The following NCOR1 variants were observed in gnomAD, a reference collection of about 807,000 sequenced individuals.
The protein encoded by NCOR1 is nuclear receptor corepressor 1, also known as protein phosphatase 1, regulatory subunit 109.
NCOR1 carries 63 observed loss-of-function variants against 288.1 expected under a neutral mutation model. The ratio of observed to expected loss-of-function variants is 0.22; its 90% CI spans 0.18 to 0.27. The LOEUF is 0.27. NCOR1 is among the 10% of genes least tolerant of loss of function. The pLI is 1.00. For missense variants in NCOR1, 2,397 were observed against 3,019.2 expected (o/e 0.79, Z 4.83); for synonymous variants, 1,007 against 1,065.9 (o/e 0.94, Z 1.08).
At chr17:16,067,126 C>T (rs1003980421) in intron 32 of NCOR1, among the ~76,000 whole-genome samples, 2 of 152,244 alleles carry the variant, frequency 1.3e-5, no homozygotes, top group African/African-American at 4.8e-5. Context: ...CTGCTCCTCT[C>T]CCCTCCCTGT....
chr17:16,141,953 C>T (rs1000004842), intron 11 of NCOR1, among the ~76,000 whole-genome samples: 3 of 152,074 alleles, frequency 2.0e-5, no homozygotes, highest in African/African-American at 7.2e-5. Flanking sequence ...TGCAAAACAG[C>T]CATTAATTAT....
At chr17:16,054,089 A>C (rs1037143120) in intron 40 of NCOR1, among the ~76,000 whole-genome samples, 3 of 150,114 alleles carry the variant, frequency 2.0e-5, no homozygotes, top group African/African-American at 4.9e-5. Flanking sequence ...AAAAAAAAAA[A>C]AAAACTATAA....
Position 16,171,842 on chromosome 17 carries a change from C to T in NCOR1, c.396G>A (p.Pro132=), listed in dbSNP as rs771342520. 8 of 1,610,058 alleles carry T rather than the reference C, an allele frequency of 5.0e-6. No individual in the cohort carries two copies. In the South Asian group the frequency reaches 5.5e-5, roughly 11 times the overall value. The change falls in exon 4 of 46, where the codon CCG becomes CCA. Residue 132 remains proline, a synonymous_variant. Transcript: ENST00000268712. The part of the protein sequence containing the change: ...VSAAVLPLVH[P]LPEGLRASAD... ...CAGAAGCCCTCAGCCCTTCTGGCAG[C>T]GGGTGCACTAAAGGCAAAACCGCAG...
chr17:16,101,147 G>T, intron 20 of NCOR1, 103 bp downstream of exon 20: 1 of 1,174,386 alleles, frequency 8.5e-7, no homozygotes, highest in Non-Finnish European at 1.2e-6. Context: ...CCTATAACGT[G>T]CCAATATTTA....
chr17:16,101,646 G>A lies in NCOR1; in HGVS notation c.2294C>T (p.Pro765Leu), dbSNP rs2152998161. The A allele has an allele frequency of 6.2e-7, 1 of 1,614,184 alleles. No individual in the cohort carries two copies. The highest frequency in any genetic ancestry group is 8.5e-7 in the Non-Finnish European group (1 of 1,180,036). ...TTTTGTACTTGGAACTGCTAAGGAG[G>A]GAGATGTACTGGGTGCAGTTTCCGT... ...PTTETAPSTSPSLAVPSTKPA... is the reference protein window; with the variant it reads ...PTTETAPSTSLSLAVPSTKPA... The change falls in exon 20 of 46, where the codon CCC becomes CTC. Residue 765 changes from proline (P) to leucine (L), a missense_variant. By Grantham distance (98) the Pro-to-Leu change is moderately conservative. Around this residue, in one of 11 missense-constraint regions of NCOR1, gnomAD observed 1,872 missense variants for 2,187.8 expected, o/e 0.86. Coordinates refer to ENST00000268712, the MANE Select transcript of NCOR1 (RefSeq NM_006311.4).
chr17:16,171,937 G>A lies in NCOR1; in HGVS notation c.301C>T (p.His101Tyr), dbSNP rs772404309. 6.2e-7 allele frequency: 1 copy of A among 1,611,422 alleles called. No individual in the cohort carries two copies. The highest frequency in any genetic ancestry group is 8.5e-7 in the Non-Finnish European group (1 of 1,178,828). ...GGTCGCTTCGATTCCAGTGAATCATGATCCACTGGGGATGGGCCTGGATGA... is the reference window on the plus strand; with the variant it reads ...GGTCGCTTCGATTCCAGTGAATCATAATCCACTGGGGATGGGCCTGGATGA... ...PFHPGPSPVD[H>Y]DSLESKRPRL... The change falls in exon 4 of 46, where the codon CAT becomes TAT. Residue 101 changes from histidine to tyrosine, a missense_variant. Transcript: ENST00000268712.
intron 3 of NCOR1, among the ~76,000 whole-genome samples, chr17:16,184,544 C>CA: frequency 6.6e-6 from 1 of 151,786 alleles, no homozygotes; most frequent in East Asian, 1.9e-4. Flanking sequence ...TGCCTATTAC[C>CA]AAAAAAAGTC....
intron 1 of NCOR1, among the ~76,000 whole-genome samples, chr17:16,210,181 C>G (rs1363151042): frequency 6.6e-6 from 1 of 151,944 alleles, no homozygotes; most frequent in Admixed American, 6.6e-5. Context: ...GTCAGGAGTT[C>G]GAGATCAGCC....
intron 21 of NCOR1, among the ~76,000 whole-genome samples, chr17:16,098,062 T>C (rs760992495): frequency 3.3e-5 from 5 of 152,130 alleles, no homozygotes; most frequent in Admixed American, 1.3e-4. Context: ...GTTAAATTCA[T>C]AGAACCAGAA....
intron 21 of NCOR1, among the ~76,000 whole-genome samples, chr17:16,092,677 ATATATATATATATATATATTTTTT>A (rs1481525442): frequency 2.3e-4 from 4 of 17,744 alleles, no homozygotes; most frequent in Non-Finnish European, 2.8e-4. Context: ...ATATATATAT[ATATATATATATATATATATTTTTT>A]TTTTTTTTTT....
chr17:16,062,788 C>T (rs2060679891), intron 35 of NCOR1, among the ~76,000 whole-genome samples: 1 of 152,232 alleles, frequency 6.6e-6, no homozygotes, highest in South Asian at 2.1e-4. Flanking sequence ...TTTCTCTCAG[C>T]AAGCTCTCTC....
At position 16,105,105 on chromosome 17, in the gene NCOR1, G is replaced by A. The variant is rs192413486; in HGVS notation, c.2183-3348C>T. On this transcript the variant is annotated intron_variant, in intron 19 of 45. Coordinates refer to ENST00000268712, the MANE Select transcript of NCOR1 (RefSeq NM_006311.4). ...CAGTTCATGCAGAGCCTCATAAATT[G>A]CAGTAAGGCCTTGGGTCTTTATTTT... Among the ~76,000 whole-genome samples the A allele has an allele frequency of 2.2e-4, 33 of 152,278 alleles. 1 individual carries two copies. The East Asian group carries it at 6.2e-3, about 28-fold the overall frequency.
intron 35 of NCOR1, among the ~76,000 whole-genome samples, chr17:16,063,783 C>G (rs2060804536): frequency 6.6e-6 from 1 of 152,186 alleles, no homozygotes; most frequent in Non-Finnish European, 1.5e-5. Context: ...GCTGTTCTTT[C>G]AGCCTTGAAA....
intron 7 of NCOR1, 22 bp downstream of exon 7, chr17:16,153,317 G>A (rs773135547): frequency 2.6e-6 from 4 of 1,529,528 alleles, no homozygotes; most frequent in Non-Finnish European, 3.6e-6. Context: ...AAAAATCACT[G>A]GAAATGAAAA....
At chr17:16,036,067 A>G (rs144334512) in intron 44 of NCOR1, among the ~76,000 whole-genome samples, 37 of 152,356 alleles carry the variant, frequency 2.4e-4, no homozygotes, top group East Asian at 7.7e-4. Flanking sequence ...AGGAATCACT[A>G]TGGCAGCTAT....
Position 16,119,127 on chromosome 17 carries a change from A to T in NCOR1, c.1915+296T>A, listed in dbSNP as rs12936657. ...ACAATTTCAATAGCATAGAGTCATAATTATTCTAAAAAAGTGAAAACGACC... is the reference window on the plus strand; with the variant it reads ...ACAATTTCAATAGCATAGAGTCATATTTATTCTAAAAAAGTGAAAACGACC... On this transcript the variant is annotated intron_variant, in intron 17 of 45. Coordinates refer to ENST00000268712, the MANE Select transcript of NCOR1 (RefSeq NM_006311.4). Among the ~76,000 whole-genome samples, 1,328 of 152,366 alleles carry T rather than the reference A, an allele frequency of 8.7e-3. 4 individuals carry two copies. Among genetic ancestry groups the T allele is most frequent in the Non-Finnish European group, 0.013 (915 of 68,032 alleles).
In NCOR1 at chr17:16,099,507, C is replaced by CCAT. The variant is rs542953843; in HGVS notation, c.2691-1014_2691-1012dup. On this transcript the variant is annotated intron_variant, in intron 20 of 45. Transcript: ENST00000268712. Reference sequence around the variant, plus strand: ...TAGACTTTAGTGTGTCATTAAGAAACCATCATATTTTTCCAAGGAATTTCT... The same window carrying CCAT: ...TAGACTTTAGTGTGTCATTAAGAAACCATCATCATATTTTTCCAAGGAATTTCT... 1.8e-4 allele frequency among the ~76,000 whole-genome samples: 27 copies of CCAT among 152,112 alleles called. No individual in the cohort carries two copies. The East Asian group carries it at 4.6e-3, about 26-fold the overall frequency.
At chr17:16,181,031 C>T (rs1440506093) in intron 3 of NCOR1, among the ~76,000 whole-genome samples, 2 of 152,018 alleles carry the variant, frequency 1.3e-5, no homozygotes, top group African/African-American at 4.8e-5. Context: ...TGGTGGCACA[C>T]GCCTGTAGTC....
intron 18 of NCOR1, among the ~76,000 whole-genome samples, 173 bp downstream of exon 18, chr17:16,117,715 C>T (rs373750110): frequency 1.3e-5 from 2 of 151,826 alleles, no homozygotes; most frequent in South Asian, 2.1e-4. Context: ...CCCAGCTACT[C>T]GGGAGGCTGA....
Sources: gnomAD v4.1 joint callset for allele counts (sites outside exome capture counted in the v4.1 genomes callset) on GRCh38, gnomAD v4.1.1 for gene constraint, gnomAD v4.1.1 regional missense constraint, MANE v1.5 for transcripts, NCBI Gene and HGNC (gene_info 2026-07-23, HGNC 2026-07-21) for gene names.